The following AKT2 variants were observed in gnomAD, a reference collection of about 807,000 sequenced individuals.
AKT2 encodes RAC-beta serine/threonine-protein kinase.
Under a neutral mutation model 58.6 loss-of-function variants are expected in AKT2, and 16 were observed. The ratio of observed to expected loss-of-function variants is 0.27; its 90% confidence interval spans 0.18 to 0.41. The LOEUF is 0.41. Ranked by LOEUF, AKT2 falls within the 10% of genes least tolerant of loss-of-function variation. The probability of loss-of-function intolerance (pLI) is 1.00; values close to 1 mark genes in which losing one functional copy is unlikely to be tolerated. For missense variants in AKT2, 438 were observed against 661.0 expected (o/e 0.66, Z 3.70); for synonymous variants, 253 against 254.0 (o/e 1.00, Z 0.04).
At chr19:40,239,752 A>C in intron 7 of AKT2, 1 of 611,996 alleles carries the variant, frequency 1.6e-6, no homozygotes, top group South Asian at 1.6e-5. Flanking sequence ...AGCTGGGCTA[A>C]GTGCTCCTAA....
chr19:40,263,604 G>C (rs572442646), intron 2 of AKT2, among the ~76,000 whole-genome samples: 1 of 152,304 alleles, frequency 6.6e-6, no homozygotes, highest in African/African-American at 2.4e-5. Flanking sequence ...CTCAGGCTGG[G>C]GGACTGGGCC....
At chr19:40,251,343 C>T (rs1283855019) in intron 4 of AKT2, among the ~76,000 whole-genome samples, 3 of 152,168 alleles carry the variant, frequency 2.0e-5, no homozygotes, top group Non-Finnish European at 4.4e-5. Flanking sequence ...CCAGACTATT[C>T]ATGAACAAAT....
At chr19:40,244,347 G>C (rs1974608266) in intron 4 of AKT2, 2 of 152,036 alleles carry the variant, frequency 1.3e-5, no homozygotes, top group South Asian at 4.2e-4. Flanking sequence ...AGGGGGCTAA[G>C]GTGGGAGAAC....
intron 4 of AKT2, among the ~76,000 whole-genome samples, chr19:40,244,761 G>A (rs546843095): frequency 8.5e-5 from 13 of 152,302 alleles, no homozygotes; most frequent in South Asian, 2.1e-4. Context: ...GATGGCCCCC[G>A]CCCCAGGGCA....
chr19:40,242,286 G>C lies in AKT2; in HGVS notation c.442-217C>G, dbSNP rs1005201353. On this transcript the variant is annotated intron_variant, in intron 5 of 13. Coordinates refer to ENST00000392038, the MANE Select transcript of AKT2 (RefSeq NM_001626.6). The surrounding 1 kb of genome is among the most constrained non-coding windows in gnomAD (Gnocchi z 4.3). Reference sequence around the variant, plus strand: ...CCTTGGGAGGGCTGGGCTCTGACGTGGGGGTAGCCAGGTCTTCACCAACTC... The same window carrying C: ...CCTTGGGAGGGCTGGGCTCTGACGTCGGGGTAGCCAGGTCTTCACCAACTC... 1.2e-6 allele frequency: 1 copy of C among 863,474 alleles called. No homozygotes were observed. Among genetic ancestry groups the C allele is most frequent in the Non-Finnish European group, 1.8e-6 (1 of 554,064 alleles). 53.5% of individuals were successfully genotyped at this position (863,474 alleles called of 1,614,324 possible).
intron 4 of AKT2, chr19:40,243,338 C>A (rs1974531388): frequency 6.5e-6 from 1 of 153,934 alleles, no homozygotes. Context: ...TTCTTCGGAA[C>A]AAATGACAAG....
Position 40,242,704 on chromosome 19 carries a change from G to A in AKT2, c.288-17C>T, listed in dbSNP as rs373327049. 24 of 1,608,454 alleles carry A rather than the reference G, an allele frequency of 1.5e-5. No individual in the cohort carries two copies. The highest frequency in any genetic ancestry group is 2.2e-5 in the East Asian group (1 of 44,890). The stretch of plus-strand genomic sequence containing the variant: ...CACTCCTCCCTGTGCAGGGACACAC[G>A]TGAGTCCCAGCAGCCAGGAGTCCTG... On this transcript the variant is annotated splice_polypyrimidine_tract_variant and intron_variant, in intron 4 of 13. Coordinates refer to ENST00000392038, the MANE Select transcript of AKT2 (RefSeq NM_001626.6). This position sits in a 1 kb window ranked among gnomAD's most constrained non-coding sequence, Gnocchi z 4.3.
At chr19:40,236,454 C>G in intron 9 of AKT2, 69 bp from the exon 10 acceptor site, 2 of 1,607,490 alleles carry the variant, frequency 1.2e-6, no homozygotes, top group South Asian at 2.2e-5. Context: ...CCTTTCCTTC[C>G]AGGGAAAGAT....
intron 1 of AKT2, chr19:40,274,842 T>C (rs11665880): frequency 0.054 from 18,730 of 349,442 alleles, 648 homozygotes; most frequent in Middle Eastern, 0.092. Context: ...ACTGTCAGCA[T>C]TGTGGCTCTT....
intron 1 of AKT2, among the ~76,000 whole-genome samples, chr19:40,281,256 T>C (rs2077418720): frequency 6.6e-6 from 1 of 152,214 alleles, no homozygotes; most frequent in Non-Finnish European, 1.5e-5. Context: ...CTCAGGAGAC[T>C]GAGGCAGGAG....
chr19:40,254,385 AG>A (rs1416815376), intron 4 of AKT2, among the ~76,000 whole-genome samples: 1 of 152,156 alleles, frequency 6.6e-6, no homozygotes, highest in Non-Finnish European at 1.5e-5. Flanking sequence ...AAAATTAGCC[AG>A]ATGTGGTGGC....
chr19:40,250,096 G>A (rs766007770), intron 4 of AKT2, among the ~76,000 whole-genome samples: 3 of 152,186 alleles, frequency 2.0e-5, no homozygotes, highest in Non-Finnish European at 1.5e-5. Context: ...AAATGCTTCT[G>A]GAGAGGTCGC....
In AKT2 at chr19:40,233,784, A is replaced by C; in HGVS notation, c.*88T>G. 7.1e-7 allele frequency: 1 copy of C among 1,401,622 alleles called. No homozygotes were observed. The highest frequency in any genetic ancestry group is 9.9e-7 in the Non-Finnish European group (1 of 1,005,134). The allele number at this position is 1,401,622 out of a possible 1,614,324, so 86.8% of individuals were successfully genotyped here. A position where few individuals can be genotyped will look rare whatever the true frequency, so the allele number is the denominator to read the frequency against. On this transcript the variant is annotated 3_prime_UTR_variant, in exon 14 of 14. Coordinates refer to ENST00000392038, the MANE Select transcript of AKT2 (RefSeq NM_001626.6). The surrounding 1 kb of genome is among the most constrained non-coding windows in gnomAD (Gnocchi z 4.3). ...GTGAGGAGGTGGGGGTGGGGACACA[A>C]ACCAAAAAGGCTAAGTAAAAAGTTA...
At chr19:40,283,575 AC>A (rs2077461701) in intron 1 of AKT2, among the ~76,000 whole-genome samples, 1 of 152,156 alleles carries the variant, frequency 6.6e-6, no homozygotes. Flanking sequence ...TCAATCAGGG[AC>A]TGCAGCCAGT....
At chr19:40,280,212 T>C (rs1234078803) in intron 1 of AKT2, among the ~76,000 whole-genome samples, 2 of 152,206 alleles carry the variant, frequency 1.3e-5, no homozygotes, top group Admixed American at 6.5e-5. Flanking sequence ...CTGTATCAGG[T>C]GTGACTGCTG....
At position 40,236,253 on chromosome 19, in the gene AKT2, A is replaced by G; in HGVS notation, c.960+4T>C. On this transcript the variant is annotated splice_donor_region_variant and intron_variant, in intron 10 of 13. Coordinates refer to ENST00000392038, the MANE Select transcript of AKT2 (RefSeq NM_001626.6). ...ACGTTCCTACCCCCACCAACCCCAG[A>G]CACCTCAGGCGCCAGGTACTCCGGG... 6.2e-7 allele frequency: 1 copy of G among 1,613,516 alleles called. No individual in the cohort carries two copies. The highest frequency in any genetic ancestry group is 8.5e-7 in the Non-Finnish European group (1 of 1,179,978).
At chr19:40,283,957 A>G (rs2077468930) in intron 1 of AKT2, among the ~76,000 whole-genome samples, 1 of 152,188 alleles carries the variant, frequency 6.6e-6, no homozygotes. Context: ...CTTCGTGGCC[A>G]GCGACAGAGG....
chr19:40,259,875 G>A (rs1423545886), intron 2 of AKT2, among the ~76,000 whole-genome samples: 3 of 152,218 alleles, frequency 2.0e-5, no homozygotes, highest in East Asian at 1.9e-4. Flanking sequence ...GATGAAGGCC[G>A]GGCGCGGTAG....
intron 1 of AKT2, among the ~76,000 whole-genome samples, chr19:40,276,941 T>G (rs2077337674): frequency 6.6e-6 from 1 of 152,200 alleles, no homozygotes; most frequent in African/African-American, 2.4e-5. Context: ...GAGGACCACT[T>G]GAGCCAGTGA....
Sources: gnomAD v4.1 joint callset for allele counts (sites outside exome capture counted in the v4.1 genomes callset) on GRCh38, gnomAD v4.1.1 for gene constraint, Gnocchi (gnomAD v3.1) non-coding constraint, MANE v1.5 for transcripts, NCBI Gene and HGNC (gene_info 2026-07-23, HGNC 2026-07-21) for gene names.